Variants in IL1RAPL1 observed in about 807,000 individuals in gnomAD.
IL1RAPL1 encodes the protein interleukin-1 receptor accessory protein-like 1.
IL1RAPL1 carries 3 observed loss-of-function variants against 48.4 expected under a neutral mutation model. The observed-to-expected ratio is 0.06, with a 90% CI of 0.03 to 0.16. The LOEUF is 0.16. Among genes scored for constraint, IL1RAPL1 ranks in the 10% least tolerant of loss-of-function variants. The pLI is 1.00. For synonymous variants in IL1RAPL1, 185 were observed against 187.7 expected (o/e 0.99, Z 0.12); for missense variants, 349 against 530.6 (o/e 0.66, Z 3.36).
chrX:29,731,717 G>A (rs746191410), intron 6 of IL1RAPL1, among the ~76,000 whole-genome samples: 2 of 112,351 alleles, frequency 1.8e-5, no homozygotes, highest in Middle Eastern at 4.2e-3. Context: ...TCAACCCCCA[G>A]CTGGGAGCTG....
intron 2 of IL1RAPL1, among the ~76,000 whole-genome samples, chrX:28,833,685 T>C (rs1921130038): frequency 8.9e-6 from 1 of 112,047 alleles, no homozygotes. Flanking sequence ...CACAATCCTT[T>C]AGAAAATTTC....
intron 2 of IL1RAPL1, among the ~76,000 whole-genome samples, chrX:28,955,753 G>GGT (rs1924591278): frequency 9.7e-6 from 1 of 103,021 alleles, no homozygotes; most frequent in African/African-American, 3.7e-5. Flanking sequence ...GGATTGACTT[G>GGT]GTGATGCGGG....
intron 2 of IL1RAPL1, among the ~76,000 whole-genome samples, chrX:28,930,652 A>AT: frequency 9.0e-6 from 1 of 111,451 alleles, no homozygotes; most frequent in Non-Finnish European, 1.9e-5. Flanking sequence ...TTATTTATTT[A>AT]TTTTTTTGAG....
intron 6 of IL1RAPL1, among the ~76,000 whole-genome samples, chrX:29,735,740 T>A (rs1474594257): frequency 1.8e-5 from 2 of 112,099 alleles, no homozygotes; most frequent in Non-Finnish European, 3.8e-5. Flanking sequence ...TTTCCTAGCC[T>A]AAGAACCAAA....
intron 6 of IL1RAPL1, among the ~76,000 whole-genome samples, chrX:29,885,056 G>A: frequency 1.8e-5 from 2 of 111,448 alleles, no homozygotes; most frequent in Admixed American, 1.9e-4. Context: ...GTCTTAGCAT[G>A]TCTCCTCCTC....
chrX:28,633,747 A>T (rs924899882), intron 1 of IL1RAPL1, among the ~76,000 whole-genome samples: 1 of 112,407 alleles, frequency 8.9e-6, no homozygotes, highest in East Asian at 2.8e-4. Flanking sequence ...ATGGTCAAAA[A>T]GTTGGGAGCC....
chrX:29,462,153 CT>C (rs5901921), intron 5 of IL1RAPL1, among the ~76,000 whole-genome samples: 12,127 of 109,736 alleles, frequency 0.11, 1,145 homozygotes, highest in African/African-American at 0.31. Context: ...ATAAGTAAAA[CT>C]TTTTTTTTGC....
At chrX:29,483,184 C>T (rs1935058898) in intron 5 of IL1RAPL1, among the ~76,000 whole-genome samples, 1 of 111,988 alleles carries the variant, frequency 8.9e-6, no homozygotes, top group South Asian at 3.7e-4. Context: ...TTGAAATCCT[C>T]TTGTTCTCCA....
At chrX:29,455,360 G>A (rs1934727634) in intron 5 of IL1RAPL1, among the ~76,000 whole-genome samples, 1 of 112,019 alleles carries the variant, frequency 8.9e-6, no homozygotes, top group Non-Finnish European at 1.9e-5. Flanking sequence ...GTAAATGAAA[G>A]CATCTCCTTA....
intron 6 of IL1RAPL1, among the ~76,000 whole-genome samples, chrX:29,743,903 G>A (rs1001986841): frequency 1.8e-5 from 2 of 112,195 alleles, no homozygotes; most frequent in African/African-American, 6.5e-5. Context: ...CATACAAATA[G>A]TACACTGAGG....
intron 3 of IL1RAPL1, among the ~76,000 whole-genome samples, chrX:29,354,645 G>T (rs1042700213): frequency 4.5e-5 from 5 of 112,067 alleles, no homozygotes; most frequent in African/African-American, 1.6e-4. Flanking sequence ...CCCAGGAAAA[G>T]ATCAAAATCC....
chrX:28,847,667 C>T (rs1601929570), intron 2 of IL1RAPL1, among the ~76,000 whole-genome samples: 1 of 110,970 alleles, frequency 9.0e-6, no homozygotes, highest in African/African-American at 3.3e-5. Flanking sequence ...TTCCTTTTGC[C>T]TGGGATGCTT....
rs751084263 is a variant in IL1RAPL1 at position 29,413,915 on chromosome X, G to A, written c.703+14607G>A. 6.4e-5 allele frequency among the ~76,000 whole-genome samples: 7 copies of A among 110,016 alleles called. No homozygotes were observed. The South Asian group carries it at 1.5e-3, about 24-fold the overall frequency. The stretch of plus-strand genomic sequence containing the variant: ...TATATGTATACAAATGCATACATAC[G>A]TATGTATGTGTATATATATGTGTGT... On this transcript the variant is annotated intron_variant, in intron 5 of 10. Coordinates refer to ENST00000378993, the MANE Select transcript of IL1RAPL1 (RefSeq NM_014271.4).
intron 3 of IL1RAPL1, among the ~76,000 whole-genome samples, chrX:29,305,717 A>T (rs1932606240): frequency 9.0e-6 from 1 of 111,691 alleles, no homozygotes; most frequent in Admixed American, 9.5e-5. Flanking sequence ...TGATAATCAC[A>T]GAGGAGAGCT....
At chrX:29,125,548 G>A (rs1928881208) in intron 2 of IL1RAPL1, among the ~76,000 whole-genome samples, 1 of 111,936 alleles carries the variant, frequency 8.9e-6, no homozygotes, top group Non-Finnish European at 1.9e-5. Context: ...ACTGCATTTT[G>A]AAAGAGTTCA....
chrX:29,699,306 T>G (rs1349775118), intron 6 of IL1RAPL1, among the ~76,000 whole-genome samples: 1 of 112,633 alleles, frequency 8.9e-6, no homozygotes, highest in Non-Finnish European at 1.9e-5. Context: ...AATCATTGGC[T>G]TTTGTCAACA....
intron 2 of IL1RAPL1, among the ~76,000 whole-genome samples, chrX:29,049,916 AAACTC>A (rs1466221716): frequency 8.9e-6 from 1 of 112,060 alleles, no homozygotes; most frequent in African/African-American, 3.2e-5. Flanking sequence ...ACTGTAAACT[AAACTC>A]CAGACTTCAT....
chrX:29,069,921 T>C (rs926362119), intron 2 of IL1RAPL1, among the ~76,000 whole-genome samples: 1 of 111,042 alleles, frequency 9.0e-6, no homozygotes, highest in African/African-American at 3.3e-5. Context: ...AATGAAATTA[T>C]ATTAGAGATA....
intron 2 of IL1RAPL1, among the ~76,000 whole-genome samples, chrX:28,913,426 G>A (rs1923408380): frequency 8.9e-6 from 1 of 111,810 alleles, no homozygotes; most frequent in South Asian, 3.7e-4. Context: ...CCTTTGAAAG[G>A]TATTTCAGTT....
Sources: allele counts gnomAD v4.1 joint callset (sites outside exome capture counted in the v4.1 genomes callset), GRCh38; gene constraint gnomAD v4.1.1; transcripts MANE v1.5; gene names NCBI Gene and HGNC (gene_info 2026-07-23, HGNC 2026-07-21).